ADGRG2: variants seen among roughly 807,000 people sequenced by gnomAD.
The protein encoded by ADGRG2 is adhesion G protein-coupled receptor G2.
ADGRG2 carries 26 observed loss-of-function variants against 74.1 expected under a neutral mutation model. The observed-to-expected ratio is 0.35, with a 90% CI of 0.26 to 0.49. The LOEUF (loss-of-function observed/expected upper bound fraction) is 0.49. Ranked by LOEUF, ADGRG2 falls within the 20% of genes least tolerant of loss-of-function variation. The probability of loss-of-function intolerance (pLI) is 0.99; values close to 1 mark genes in which losing one functional copy is unlikely to be tolerated. For missense variants in ADGRG2, 619 were observed against 763.1 expected (o/e 0.81, Z 2.22); for synonymous variants, 296 against 295.2 (o/e 1.00, Z -0.03).
chrX:19,068,733 C>T lies in ADGRG2; in HGVS notation c.102G>A (p.Leu34=), dbSNP rs144151035. ...FLVIICLHVV[L]VTSLEEDTDN... is the part of the protein sequence containing the mutation. ...ACACATTACCTTCCAGGGATGTTAC[C>T]AGAACGACATGAAGACAAATGATGA... is the stretch of plus-strand genomic sequence containing the variant. The change falls in exon 3 of 29, where the codon CTG becomes CTA. Residue 34 remains leucine, a synonymous_variant. Coordinates refer to ENST00000379869, the MANE Select transcript of ADGRG2 (RefSeq NM_001079858.3). The T allele has an allele frequency of 1.9e-4, 201 of 1,064,424 alleles. 1 individual carries two copies. In the African/African-American group the frequency reaches 3.3e-3, roughly 18 times the overall value. The allele number at this position is 1,064,424 out of a possible 1,213,427, so 87.7% of individuals were successfully genotyped here.
chrX:19,095,437 T>G (rs1351383366), intron 1 of ADGRG2, among the ~76,000 whole-genome samples: 1 of 110,904 alleles, frequency 9.0e-6, no homozygotes, highest in African/African-American at 3.3e-5. Context: ...GCCGGTGAGT[T>G]TAAGCTTGAA....
intron 1 of ADGRG2, among the ~76,000 whole-genome samples, chrX:19,110,941 T>C (rs150839915): frequency 0.043 from 4,791 of 111,200 alleles, 240 homozygotes; most frequent in African/African-American, 0.15. Context: ...CTAGCTGCCA[T>C]GTGGATATTG....
chrX:19,008,076 A>T lies in ADGRG2; in HGVS notation c.1470T>A (p.Thr490=). 1 of 1,195,572 alleles carries T rather than the reference A, an allele frequency of 8.4e-7. No homozygotes were observed. The highest frequency in any genetic ancestry group is 1.8e-5 in the South Asian group (1 of 56,367). Residue 490 remains threonine, a synonymous_variant, in exon 19 of 29, where the codon ACT becomes ACA. Coordinates refer to ENST00000379869, the MANE Select transcript of ADGRG2 (RefSeq NM_001079858.3). ...QAPENSIGTI[T]LPSSLMNNLP... is the part of the protein sequence containing the mutation. ...AATTATTCATCAGCGATGAAGGAAG[A>T]GTAATTGTGCCAATACTGTTCTCAG...
In ADGRG2 at chrX:19,007,350, G is replaced by T; in HGVS notation, c.1574C>A (p.Ser525Tyr). 1.7e-6 allele frequency: 2 copies of T among 1,207,494 alleles called. No homozygotes were observed. The highest frequency in any genetic ancestry group is 2.3e-4 in the Middle Eastern group (1 of 4,344). The change falls in exon 20 of 29, where the codon TCC becomes TAC. Residue 525 changes from serine to tyrosine, a missense_variant. Coordinates refer to ENST00000379869, the MANE Select transcript of ADGRG2 (RefSeq NM_001079858.3). ...FETPALFQDP[S>Y]LENLSLISYV... Reference sequence around the variant, plus strand: ...GCTGATCAGAGAGAGGTTCTCCAGGGAAGGATCCTGGCACATCAAGATGGC... The same window carrying T: ...GCTGATCAGAGAGAGGTTCTCCAGGTAAGGATCCTGGCACATCAAGATGGC...
rs769079032 is a variant in ADGRG2 at position 19,003,136 on chromosome X, A to G, written c.1962-22T>C. The G allele has an allele frequency of 2.6e-6, 3 of 1,156,489 alleles. No individual in the cohort carries two copies. The East Asian group carries it at 9.0e-5, about 35-fold the overall frequency. On this transcript the variant is annotated intron_variant, in intron 23 of 28. Coordinates refer to ENST00000379869, the MANE Select transcript of ADGRG2 (RefSeq NM_001079858.3). ...CTTTCTAAAAGGAAAGGATGAGAAC[A>G]AGAATGAGCATTCTACTCTGCCAAC...
intron 6 of ADGRG2, among the ~76,000 whole-genome samples, chrX:19,037,132 C>CT (rs1302647355): frequency 8.9e-6 from 1 of 112,388 alleles, no homozygotes; most frequent in Non-Finnish European, 1.9e-5. Context: ...ACTGGATGTG[C>CT]TTTTCACATT....
intron 25 of ADGRG2, among the ~76,000 whole-genome samples, 182 bp from the exon 26 acceptor site, chrX:18,999,461 G>A (rs753198408): frequency 8.9e-6 from 1 of 111,779 alleles, no homozygotes; most frequent in African/African-American, 3.2e-5. Flanking sequence ...TAATCTAAGA[G>A]TTTATTTGAG....
At chrX:18,997,156 T>G (rs1242898401) in intron 26 of ADGRG2, among the ~76,000 whole-genome samples, 3 of 112,023 alleles carry the variant, frequency 2.7e-5, no homozygotes. Context: ...GACCCATGTC[T>G]GAATATTACA....
At chrX:19,011,737 C>T (rs898517210) in intron 16 of ADGRG2, among the ~76,000 whole-genome samples, 1 of 111,497 alleles carries the variant, frequency 9.0e-6, no homozygotes, top group Non-Finnish European at 1.9e-5. Flanking sequence ...CCCAGTTACT[C>T]GGGAGGCTGA....
At chrX:19,121,306 C>G (rs1316569471) in intron 1 of ADGRG2, among the ~76,000 whole-genome samples, 1 of 111,685 alleles carries the variant, frequency 9.0e-6, no homozygotes, top group African/African-American at 3.3e-5. Context: ...GGTAATCACT[C>G]TATTGTTCTC....
intron 1 of ADGRG2, among the ~76,000 whole-genome samples, chrX:19,111,838 A>G (rs1239163524): frequency 9.0e-6 from 1 of 111,228 alleles, no homozygotes; most frequent in South Asian, 3.8e-4. Context: ...GTCCTTTACA[A>G]TTTGTGCACT....
At chrX:19,022,565 C>T (rs778064655) in intron 13 of ADGRG2, among the ~76,000 whole-genome samples, 32 of 111,780 alleles carry the variant, frequency 2.9e-4, no homozygotes, top group African/African-American at 9.4e-4. Context: ...TGTAAGCCAT[C>T]GGTTTACACA....
chrX:19,102,326 A>T (rs2062203879), intron 1 of ADGRG2, among the ~76,000 whole-genome samples: 1 of 110,734 alleles, frequency 9.0e-6, no homozygotes, highest in Admixed American at 9.5e-5. Flanking sequence ...AACTGATATG[A>T]ACATAACTCT....
chrX:19,020,769 C>A (rs1282743933), intron 14 of ADGRG2, among the ~76,000 whole-genome samples: 2 of 110,769 alleles, frequency 1.8e-5, no homozygotes. Context: ...CAAGAACAAC[C>A]TGGGAAACAT....
chrX:19,057,389 G>C (rs2061423124), intron 3 of ADGRG2, among the ~76,000 whole-genome samples: 1 of 112,092 alleles, frequency 8.9e-6, no homozygotes, highest in African/African-American at 3.2e-5. Flanking sequence ...TCAGGAAACT[G>C]AAGTTCATAG....
At chrX:19,040,040 A>G (rs1263511375) in intron 4 of ADGRG2, 149 bp downstream of exon 4, 3 of 444,036 alleles carry the variant, frequency 6.8e-6, no homozygotes, top group South Asian at 9.0e-5. Flanking sequence ...CTATGCTTGC[A>G]TTGATTTTTC....
intron 3 of ADGRG2, among the ~76,000 whole-genome samples, chrX:19,055,337 T>G (rs974595289): frequency 8.9e-6 from 1 of 112,560 alleles, no homozygotes; most frequent in Admixed American, 9.4e-5. Context: ...GATTGAATCC[T>G]GACTTACACA....
chrX:19,113,932 C>T (rs982540924), intron 1 of ADGRG2, among the ~76,000 whole-genome samples: 2 of 108,749 alleles, frequency 1.8e-5, no homozygotes, highest in East Asian at 2.9e-4. Context: ...AATAGCCAGG[C>T]GTGGTGATGG....
At position 19,037,637 on chromosome X, in the gene ADGRG2, C is replaced by A; in HGVS notation, c.155-1G>T. On this transcript the variant is annotated splice_acceptor_variant, in intron 4 of 28. Coordinates refer to ENST00000379869, the MANE Select transcript of ADGRG2 (RefSeq NM_001079858.3). LOFTEE classifies it high-confidence loss of function. ...GCAAAACTGACAACAGATAATTTAG[C>A]TGCAGGAGAAAAAAAAATTAAATCA... 1 of 1,105,817 alleles carries A rather than the reference C, an allele frequency of 9.0e-7. No homozygotes were observed. 91.1% of individuals were successfully genotyped at this position (1,105,817 alleles called of 1,213,427 possible).
Sources: allele counts gnomAD v4.1 joint callset (sites outside exome capture counted in the v4.1 genomes callset), GRCh38; gene constraint gnomAD v4.1.1; transcripts MANE v1.5; gene names NCBI Gene and HGNC (gene_info 2026-07-23, HGNC 2026-07-21).